PLCH1: variants seen among roughly 807,000 people sequenced by gnomAD.
PLCH1 encodes 1-phosphatidylinositol 4,5-bisphosphate phosphodiesterase eta-1.
A neutral mutation model predicts 126.7 loss-of-function variants in PLCH1; 60 were observed. That is an observed-to-expected ratio of 0.47 (90% CI 0.38 to 0.59). The LOEUF (loss-of-function observed/expected upper bound fraction) is 0.59, where lower values mean the gene tolerates loss of function less well. Among genes scored for constraint, PLCH1 ranks in the 20% least tolerant of loss-of-function variants. The pLI is 0.00. For synonymous variants in PLCH1, 719 were observed against 734.9 expected (o/e 0.98, Z 0.35); for missense variants, 1,723 against 2,040.0 (o/e 0.84, Z 2.99).
intron 21 of PLCH1, among the ~76,000 whole-genome samples, chr3:155,451,349 T>A (rs533485281): frequency 2.2e-4 from 33 of 152,210 alleles, no homozygotes; most frequent in Non-Finnish European, 4.0e-4. Flanking sequence ...TAATGTTAAG[T>A]GAAGAAAATT....
At chr3:155,649,188 T>C (rs1179535278) in intron 2 of PLCH1, among the ~76,000 whole-genome samples, 3 of 152,098 alleles carry the variant, frequency 2.0e-5, no homozygotes, top group African/African-American at 7.2e-5. Context: ...ATATGTAGGC[T>C]CATAATTTGG....
intron 12 of PLCH1, among the ~76,000 whole-genome samples, chr3:155,510,312 T>G (rs1416334319): frequency 2.5e-5 from 2 of 78,962 alleles, no homozygotes; most frequent in Non-Finnish European, 4.5e-5. Flanking sequence ...TTTATCCAAC[T>G]TGCCAGTCTG....
intron 2 of PLCH1, among the ~76,000 whole-genome samples, chr3:155,630,653 T>C (rs9829758): frequency 0.49 from 73,818 of 152,014 alleles, 20,322 homozygotes; most frequent in African/African-American, 0.74. Flanking sequence ...CACACAAAGG[T>C]GAGGCTCTTA....
intron 10 of PLCH1, among the ~76,000 whole-genome samples, chr3:155,527,919 CAA>C (rs138092904): frequency 3.4e-5 from 3 of 87,160 alleles, no homozygotes; most frequent in Admixed American, 1.3e-4. Context: ...CACTCCGTTT[CAA>C]AAAAAAAAAA....
At chr3:155,504,702 A>G in intron 12 of PLCH1, 76 bp from the exon 13 acceptor site, 1 of 948,632 alleles carries the variant, frequency 1.1e-6, no homozygotes, top group Non-Finnish European at 1.7e-6. Context: ...GTGGAATAGC[A>G]AGGGGGCCCT....
At chr3:155,632,907 T>C (rs1365704467) in intron 2 of PLCH1, among the ~76,000 whole-genome samples, 1 of 152,148 alleles carries the variant, frequency 6.6e-6, no homozygotes, top group Admixed American at 6.5e-5. Flanking sequence ...CCTATCCCAC[T>C]TAGACACACA....
chr3:155,580,246 A>G (rs1730499326), intron 6 of PLCH1, among the ~76,000 whole-genome samples: 1 of 152,176 alleles, frequency 6.6e-6, no homozygotes, highest in Non-Finnish European at 1.5e-5. Flanking sequence ...TATTTTATCC[A>G]ATGGCTCAAT....
chr3:155,582,615 G>A (rs537952642), intron 6 of PLCH1, among the ~76,000 whole-genome samples: 4 of 152,204 alleles, frequency 2.6e-5, no homozygotes, highest in African/African-American at 9.6e-5. Context: ...TTTCAACAGA[G>A]CTAAATGCCG....
intron 10 of PLCH1, among the ~76,000 whole-genome samples, chr3:155,528,229 CAAAAAAAA>C (rs55712257): frequency 8.0e-6 from 1 of 124,434 alleles, no homozygotes; most frequent in African/African-American, 3.1e-5. Flanking sequence ...GTCTCCCCAC[CAAAAAAAA>C]AAAAAAAAAA....
chr3:155,610,013 G>T (rs917006947), intron 2 of PLCH1, among the ~76,000 whole-genome samples: 8 of 152,102 alleles, frequency 5.3e-5, no homozygotes, highest in African/African-American at 1.7e-4. Flanking sequence ...TCACTAGAGA[G>T]CTAGACATCC....
chr3:155,548,125 C>T (rs952019731), intron 10 of PLCH1, among the ~76,000 whole-genome samples: 1 of 152,066 alleles, frequency 6.6e-6, no homozygotes, highest in Non-Finnish European at 1.5e-5. Context: ...TGTATGCATG[C>T]ATGATTGGAA....
intron 1 of PLCH1, among the ~76,000 whole-genome samples, chr3:155,719,317 G>A (rs1295829026): frequency 6.6e-6 from 1 of 151,884 alleles, no homozygotes; most frequent in Non-Finnish European, 1.5e-5. Context: ...TCTCCACAAT[G>A]AGAACACTTG....
intron 21 of PLCH1, among the ~76,000 whole-genome samples, chr3:155,466,323 G>A (rs2107977684): frequency 6.6e-6 from 1 of 152,322 alleles, no homozygotes; most frequent in East Asian, 1.9e-4. Context: ...AAGAAAGTAA[G>A]GGAAAAGAAC....
rs545641692 is a variant in PLCH1, at chr3:155,564,026, C to A, written c.1069+889G>T. ...TCACAGGCACAATCACAGCACACTG[C>A]AGCTTTGAACTCCTGGTCCCAAGCA... is the stretch of plus-strand genomic sequence containing the variant. On this transcript the variant is annotated intron_variant, in intron 8 of 22. Transcript: ENST00000460012. Among the ~76,000 whole-genome samples the A allele has an allele frequency of 6.1e-4, 93 of 152,274 alleles. 1 individual carries two copies. The South Asian group carries it at 0.013, about 22-fold the overall frequency.
intron 5 of PLCH1, among the ~76,000 whole-genome samples, chr3:155,585,342 T>C (rs1164683282): frequency 6.6e-6 from 1 of 152,200 alleles, no homozygotes; most frequent in Admixed American, 6.6e-5. Flanking sequence ...TAGAAAATCA[T>C]TGCAAAACAT....
chr3:155,514,805 C>T lies in PLCH1; in HGVS notation c.1550G>A (p.Arg517Gln), dbSNP rs1174505951. 3.1e-6 allele frequency: 5 copies of T among 1,612,996 alleles called. No individual in the cohort carries two copies. The highest frequency in any genetic ancestry group is 4.5e-5 in the East Asian group (2 of 44,866). The part of the protein sequence containing the change: ...LESLLKESQI[R>Q]DKEDPDSFTV... ...GAAACTATCAGGATCTTCTTTATCT[C>T]GAATTTGAGATTCTTTTAACAGTGA... Residue 517 changes from arginine (R) to glutamine (Q), a missense_variant, in exon 12 of 23, where the codon CGA becomes CAA. By Grantham distance (43) the Arg-to-Gln change is conservative. Coordinates refer to ENST00000460012, the MANE Select transcript of PLCH1 (RefSeq NM_014996.4).
intron 1 of PLCH1, among the ~76,000 whole-genome samples, chr3:155,707,663 CA>C (rs11377105): frequency 0.12 from 16,767 of 142,212 alleles, 1,427 homozygotes; most frequent in African/African-American, 0.25. Context: ...AACTCCATCT[CA>C]AAAAAAAAAA....
intron 6 of PLCH1, among the ~76,000 whole-genome samples, chr3:155,570,373 C>T (rs1391812681): frequency 6.6e-6 from 1 of 152,128 alleles, no homozygotes; most frequent in Admixed American, 6.5e-5. Context: ...GGAATTTCTC[C>T]CTACTCTAAC....
intron 1 of PLCH1, among the ~76,000 whole-genome samples, chr3:155,724,514 A>C (rs1246884241): frequency 6.6e-6 from 1 of 151,986 alleles, no homozygotes; most frequent in Non-Finnish European, 1.5e-5. Flanking sequence ...GTCTTTTTTA[A>C]CTGCTGTTGC....
Sources: gnomAD v4.1 joint callset for allele counts (sites outside exome capture counted in the v4.1 genomes callset) on GRCh38, gnomAD v4.1.1 for gene constraint, MANE v1.5 for transcripts, NCBI Gene and HGNC (gene_info 2026-07-23, HGNC 2026-07-21) for gene names.